POLI: variants seen among roughly 807,000 people sequenced by gnomAD.
The protein encoded by POLI is DNA polymerase iota.
A neutral mutation model predicts 51.6 loss-of-function variants in POLI; 58 were observed. The observed-to-expected ratio is 1.12, with a 90% CI of 0.91 to 1.40. POLI has a LOEUF of 1.40. Among genes scored for constraint, POLI ranks in the 40% most tolerant of loss-of-function variants. The pLI, the probability that POLI is intolerant of heterozygous loss-of-function variation, is 0.00. For missense variants in POLI, 921 were observed against 871.3 expected (o/e 1.06, Z -0.72); for synonymous variants, 322 against 299.7 (o/e 1.07, Z -0.77).
In POLI at chr18:54,304,149, C is replaced by G. The variant is rs572582379; in HGVS notation, c.334-16124C>G. Reference sequence around the variant, plus strand: ...TATATATGTGACACATTTTCTTAATCCAGTCTATCATTGATGGACATTTGG... The same window carrying G: ...TATATATGTGACACATTTTCTTAATGCAGTCTATCATTGATGGACATTTGG... On this transcript the variant is annotated intron_variant, in intron 3 of 4. Coordinates refer to the POLI transcript ENST00000579823. Among the ~76,000 whole-genome samples the G allele has an allele frequency of 4.6e-5, 7 of 152,266 alleles. No individual in the cohort carries two copies. The East Asian group carries it at 1.2e-3, about 25-fold the overall frequency.
chr18:54,298,269 A>G (rs1040080706), downstream of POLI: 1 of 158,004 alleles, frequency 6.3e-6, no homozygotes, highest in Non-Finnish European at 1.4e-5. Flanking sequence ...GGGTTTCATT[A>G]CGTAGGCATG....
chr18:54,316,126 A>G (rs2088731807), intron 3 of POLI, among the ~76,000 whole-genome samples: 1 of 152,066 alleles, frequency 6.6e-6, no homozygotes, highest in Non-Finnish European at 1.5e-5. Flanking sequence ...TGTTGCCCAG[A>G]CTGGTTTCAA....
Position 54,282,880 on chromosome 18 carries a change from C to G in POLI, c.840C>G (p.Ile280Met). The change falls in exon 6 of 10, where the codon ATC (isoleucine) becomes ATG (methionine). Residue 280 changes from isoleucine (I) to methionine (M), a missense_variant. Ile to Met is a conservative substitution (Grantham distance 10). Transcript: ENST00000579534. ...CCAAATGTCTTGAAGCACTGGGTAT[C>G]AATAGTGTGCGTGATCTCCAAACCT... ...KTAKCLEALG[I>M]NSVRDLQTFS... 1.9e-6 allele frequency: 3 copies of G among 1,577,992 alleles called. No homozygotes were observed. Among genetic ancestry groups the G allele is most frequent in the Non-Finnish European group, 2.6e-6 (3 of 1,159,962 alleles).
chr18:54,294,226 A>T lies in POLI; in HGVS notation c.1982A>T (p.Asn661Ile). The change falls in exon 10 of 10, where the codon AAC becomes ATC. Residue 661 changes from asparagine (N) to isoleucine (I), a missense_variant. Transcript: ENST00000579534. ...PAVSAFHSFP[N>I]LQSEQLFSRN... ...GTGTCTGCTTTTCATTCATTTCCAA[A>T]CTTGCAGAGTGAGCAACTTTTCTCC... 6.2e-7 allele frequency: 1 copy of T among 1,613,714 alleles called. No individual in the cohort carries two copies.
rs2088318723 is a variant in POLI at position 54,296,233 on chromosome 18, A to C, written c.*1766A>C. 1 of 985,302 alleles carries C rather than the reference A, an allele frequency of 1.0e-6. No individual in the cohort carries two copies. Among genetic ancestry groups the C allele is most frequent in the Non-Finnish European group, 1.2e-6 (1 of 829,908 alleles). 61.0% of individuals were successfully genotyped at this position (985,302 alleles called of 1,614,324 possible). On this transcript the variant is annotated 3_prime_UTR_variant, in exon 10 of 10. Coordinates refer to ENST00000579534, the MANE Select transcript of POLI (RefSeq NM_007195.3). ...ACAGCTAGAAGGGGCTTAAGAAAAA[A>C]TGGCTAAGAAAACAAAGTAAATGGT...
At chr18:54,284,963 C>A (rs2087681671) in intron 7 of POLI, among the ~76,000 whole-genome samples, 1 of 152,166 alleles carries the variant, frequency 6.6e-6, no homozygotes, top group Admixed American at 6.5e-5. Flanking sequence ...GGTTTCAGGG[C>A]TCTAACAGTT....
intron 3 of POLI, among the ~76,000 whole-genome samples, chr18:54,309,202 T>C (rs750673022): frequency 3.9e-5 from 6 of 152,238 alleles, no homozygotes; most frequent in Admixed American, 2.0e-4. Context: ...TGCTCTGGTT[T>C]CTCCCCATCT....
intron 1 of POLI, 33 bp downstream of exon 1, chr18:54,269,694 T>A (rs1190469926): frequency 6.7e-7 from 1 of 1,483,286 alleles, no homozygotes; most frequent in Admixed American, 2.4e-5. Flanking sequence ...AGCGGCCTCC[T>A]TGGGTGTAAA....
Position 54,296,267 on chromosome 18 carries a change from G to C in POLI, c.*1800G>C, listed in dbSNP as rs1599257244. On this transcript the variant is annotated 3_prime_UTR_variant, in exon 10 of 10. Transcript: ENST00000579534. ...AAAACAAAGTAAATGGTTTTGGCCA[G>C]CTTAAAAAGAGAAAGCAAAATAGTT... is the stretch of plus-strand genomic sequence containing the variant. 1.0e-6 allele frequency: 1 copy of C among 985,370 alleles called. No homozygotes were observed. The highest frequency in any genetic ancestry group is 1.1e-4 in the East Asian group (1 of 8,824). The allele number at this position is 985,370 out of a possible 1,614,324, so 61.0% of individuals were successfully genotyped here. A position where few individuals can be genotyped will look rare whatever the true frequency, so the allele number is the denominator to read the frequency against.
Position 54,293,972 on chromosome 18 carries a change from A to G in POLI, c.1728A>G (p.Gln576=). The G allele has an allele frequency of 6.2e-7, 1 of 1,613,120 alleles. No individual in the cohort carries two copies. Among genetic ancestry groups the G allele is most frequent in the South Asian group, 1.1e-5 (1 of 91,052 alleles). Residue 576 remains glutamine, a synonymous_variant, in exon 10 of 10, where the codon CAA becomes CAG. Transcript: ENST00000579534. The stretch of plus-strand genomic sequence containing the variant: ...TATTATCTTTCTTTTCTAAAAAACA[A>G]ATGCAAGATATTCCCATAAATCCTA... ...RGVLSFFSKK[Q]MQDIPINPRD... is the part of the protein sequence containing the mutation.
chr18:54,284,930 T>A (rs1346444580), intron 7 of POLI, among the ~76,000 whole-genome samples: 1 of 152,234 alleles, frequency 6.6e-6, no homozygotes, highest in Non-Finnish European at 1.5e-5. Flanking sequence ...TCTCCTCTTC[T>A]TGTTAGAAAT....
chr18:54,299,955 ATAAAG>A (rs752883487), downstream of POLI, among the ~76,000 whole-genome samples: 62 of 151,958 alleles, frequency 4.1e-4, 1 homozygote, highest in Non-Finnish European at 1.5e-4. Flanking sequence ...ACATCCTCAA[ATAAAG>A]TAAAGAAGTG....
At position 54,294,180 on chromosome 18, in the gene POLI, T is replaced by C. The variant is rs1355058650; in HGVS notation, c.1936T>C (p.Phe646Leu). The stretch of plus-strand genomic sequence containing the variant: ...ACCTAAAGAACCTCAAGGATTCCAC[T>C]TTACAAATTCAAACCCTGCTGTGTC... ...QGPKEPQGFH[F>L]TNSNPAVSAF... The change falls in exon 10 of 10, where the codon TTT becomes CTT. Residue 646 changes from phenylalanine to leucine, a missense_variant. Transcript: ENST00000579534. The C allele has an allele frequency of 6.2e-7, 1 of 1,612,910 alleles. No individual in the cohort carries two copies. Among genetic ancestry groups the C allele is most frequent in the Non-Finnish European group, 8.5e-7 (1 of 1,179,216 alleles).
At chr18:54,317,131 T>C (rs1462526423) in intron 3 of POLI, among the ~76,000 whole-genome samples, 1 of 152,192 alleles carries the variant, frequency 6.6e-6, no homozygotes, top group Non-Finnish European at 1.5e-5. Flanking sequence ...CTTTAGAAAG[T>C]GCTTACAATA....
downstream of POLI, among the ~76,000 whole-genome samples, chr18:54,301,221 G>C (rs1317671923): frequency 6.6e-6 from 1 of 152,156 alleles, no homozygotes; most frequent in Non-Finnish European, 1.5e-5. Context: ...GGAGGTTGCA[G>C]TGAGCTGAGA....
intron 8 of POLI, 30 bp from the exon 9 acceptor site, chr18:54,291,803 A>G: frequency 1.9e-6 from 2 of 1,030,654 alleles, no homozygotes; most frequent in Non-Finnish European, 3.0e-6. Context: ...AATATTAATT[A>G]TAATGTTTAT....
intron 3 of POLI, chr18:54,311,079 T>A (rs898984055): frequency 1.0e-6 from 1 of 983,428 alleles, no homozygotes; most frequent in Non-Finnish European, 1.2e-6. Context: ...TTCTTTTGGA[T>A]CTGTTGTAGA....
Position 54,297,224 on chromosome 18 carries a change from C to G in POLI, c.*2757C>G. ...GCCTCCAGGGATAAACCCCATCTTT[C>G]AAGCTTGCTTCTTGCTTGATGCTTT... On this transcript the variant is annotated 3_prime_UTR_variant, in exon 10 of 10. Transcript: ENST00000579534. 1 of 985,040 alleles carries G rather than the reference C, an allele frequency of 1.0e-6. No individual in the cohort carries two copies. Among genetic ancestry groups the G allele is most frequent in the Non-Finnish European group, 1.2e-6 (1 of 829,870 alleles). 61.0% of individuals were successfully genotyped at this position (985,040 alleles called of 1,614,324 possible).
chr18:54,294,981 A>G lies in POLI; in HGVS notation c.*514A>G, dbSNP rs1015880386. 4.1e-6 allele frequency: 4 copies of G among 984,758 alleles called. No individual in the cohort carries two copies. The highest frequency in any genetic ancestry group is 4.8e-6 in the Non-Finnish European group (4 of 829,288). The allele number at this position is 984,758 out of a possible 1,614,324, so 61.0% of individuals were successfully genotyped here. A position where few individuals can be genotyped will look rare whatever the true frequency, so the allele number is the denominator to read the frequency against. ...CTTTTAAAATACCAAAGCAATTTAT[A>G]TTCAATTAATGCTTCTTCATACACC... On this transcript the variant is annotated 3_prime_UTR_variant, in exon 10 of 10. Transcript: ENST00000579534.
Sources: allele counts gnomAD v4.1 joint callset (sites outside exome capture counted in the v4.1 genomes callset), GRCh38; gene constraint gnomAD v4.1.1; transcripts MANE v1.5; gene names NCBI Gene and HGNC (gene_info 2026-07-23, HGNC 2026-07-21).